The following ABCB11 variants were observed in gnomAD, a reference collection of about 807,000 sequenced individuals.
ABCB11 encodes bile salt export pump.
A neutral mutation model predicts 148.0 loss-of-function variants in ABCB11; 95 were observed. The ratio of observed to expected loss-of-function variants is 0.64; its 90% confidence interval spans 0.54 to 0.76. The LOEUF (loss-of-function observed/expected upper bound fraction) is 0.76, where lower values mean the gene tolerates loss of function less well. Ranked by LOEUF, ABCB11 falls within the 30% of genes least tolerant of loss-of-function variation. The pLI is 0.00. For missense variants in ABCB11, 1,523 were observed against 1,617.8 expected (o/e 0.94, Z 1.01); for synonymous variants, 591 against 555.4 (o/e 1.06, Z -0.90).
intron 10 of ABCB11, among the ~76,000 whole-genome samples, chr2:168,983,594 A>C (rs902183102): frequency 2.0e-5 from 3 of 152,182 alleles, no homozygotes; most frequent in Admixed American, 6.6e-5. Context: ...TGAATTGAAA[A>C]AGTTGTTCTT....
Position 168,996,617 on chromosome 2 carries a change from T to C in ABCB11, c.477+18A>G, listed in dbSNP as rs1270065682. On this transcript the variant is annotated intron_variant, in intron 6 of 27. Coordinates refer to ENST00000650372, the MANE Select transcript of ABCB11 (RefSeq NM_003742.4). Reference sequence around the variant, plus strand: ...AGGTCAGATATTGATCTATAAATTATACGGAGGAGCTACTAACTTGAATAT... The same window carrying C: ...AGGTCAGATATTGATCTATAAATTACACGGAGGAGCTACTAACTTGAATAT... 2 of 1,406,696 alleles carry C rather than the reference T, an allele frequency of 1.4e-6. No homozygotes were observed. Among genetic ancestry groups the C allele is most frequent in the Non-Finnish European group, 1.9e-6 (2 of 1,045,522 alleles). The allele number at this position is 1,406,696 out of a possible 1,614,324, so 87.1% of individuals were successfully genotyped here.
At chr2:169,015,716 C>G (rs1695333330) in intron 3 of ABCB11, among the ~76,000 whole-genome samples, 1 of 152,122 alleles carries the variant, frequency 6.6e-6, no homozygotes, top group Admixed American at 6.6e-5. Context: ...TTTATTTTTC[C>G]TTCTCAGAAA....
At chr2:168,987,188 A>C (rs1175410450) in intron 9 of ABCB11, among the ~76,000 whole-genome samples, 2 of 152,102 alleles carry the variant, frequency 1.3e-5, no homozygotes, top group Non-Finnish European at 1.5e-5. Context: ...TACTTGATGG[A>C]TTTGGTAGCA....
At position 168,966,032 on chromosome 2, in the gene ABCB11, C is replaced by T. The variant is rs186895983; in HGVS notation, c.2076-1724G>A. 2.1e-4 allele frequency among the ~76,000 whole-genome samples: 32 copies of T among 151,968 alleles called. No individual in the cohort carries two copies. The East Asian group carries it at 3.5e-3, about 17-fold the overall frequency. ...GACCAGGCATTAAACCACTCCTCAACGCTACTCCCTGCCACCAAACTTCTG... is the reference window on the plus strand; with the variant it reads ...GACCAGGCATTAAACCACTCCTCAATGCTACTCCCTGCCACCAAACTTCTG... On this transcript the variant is annotated intron_variant, in intron 17 of 27. Transcript: ENST00000650372.
At chr2:168,929,464 A>G (rs1268428792) in intron 25 of ABCB11, among the ~76,000 whole-genome samples, 1 of 152,204 alleles carries the variant, frequency 6.6e-6, no homozygotes, top group Non-Finnish European at 1.5e-5. Flanking sequence ...GTAACTCACT[A>G]TTTGACTGAA....
At chr2:168,984,383 C>T (rs1186202325) in intron 10 of ABCB11, among the ~76,000 whole-genome samples, 1 of 152,074 alleles carries the variant, frequency 6.6e-6, no homozygotes, top group Admixed American at 6.6e-5. Context: ...CTGTTGAATC[C>T]CCTGCATTTT....
chr2:169,016,291 AACTT>A (rs1250167846), intron 3 of ABCB11, among the ~76,000 whole-genome samples: 2 of 152,186 alleles, frequency 1.3e-5, no homozygotes, highest in African/African-American at 4.8e-5. Flanking sequence ...CCACTTCAGG[AACTT>A]ACCTGATGCC....
chr2:169,015,902 T>A (rs1695342282), intron 3 of ABCB11, among the ~76,000 whole-genome samples: 1 of 152,170 alleles, frequency 6.6e-6, no homozygotes, highest in Non-Finnish European at 1.5e-5. Context: ...ACACTCAATA[T>A]TTGCAAAACG....
chr2:168,915,902 G>C (rs1417069742), downstream of ABCB11, among the ~76,000 whole-genome samples: 4 of 152,168 alleles, frequency 2.6e-5, no homozygotes, highest in East Asian at 7.7e-4. Context: ...GTGTCGGATT[G>C]GGTGTCAAGA....
chr2:169,029,435 TAGAA>T (rs1315562569), intron 1 of ABCB11, among the ~76,000 whole-genome samples: 1 of 152,008 alleles, frequency 6.6e-6, no homozygotes, highest in African/African-American at 2.4e-5. Context: ...ACAAAGAAAA[TAGAA>T]AGGCATTATT....
chr2:168,918,136 C>T (rs537183), downstream of ABCB11, among the ~76,000 whole-genome samples: 114,577 of 152,122 alleles, frequency 0.75, 44,075 homozygotes, highest in East Asian at 0.96. Context: ...CTCTGACCCA[C>T]GGAAAGAATG....
At chr2:169,003,944 A>G (rs1694950866) in intron 5 of ABCB11, among the ~76,000 whole-genome samples, 1 of 152,178 alleles carries the variant, frequency 6.6e-6, no homozygotes, top group South Asian at 2.1e-4. Context: ...TTCTTGGCTG[A>G]TAATTGTTTT....
intron 5 of ABCB11, among the ~76,000 whole-genome samples, chr2:169,006,563 T>G (rs984529264): frequency 5.0e-5 from 7 of 139,908 alleles, no homozygotes; most frequent in Admixed American, 4.8e-4. Flanking sequence ...TAAGATAAAA[T>G]AAAATAAAAT....
At chr2:168,942,518 ATAG>A (rs901670823) in intron 21 of ABCB11, among the ~76,000 whole-genome samples, 2 of 146,064 alleles carry the variant, frequency 1.4e-5, no homozygotes, top group African/African-American at 5.0e-5. Flanking sequence ...AAAAAAAAAA[ATAG>A]AAAGAATTAA....
chr2:168,934,625 A>T (rs1334950772), intron 23 of ABCB11, among the ~76,000 whole-genome samples: 1 of 152,224 alleles, frequency 6.6e-6, no homozygotes, highest in African/African-American at 2.4e-5. Context: ...CAAACAAAAC[A>T]GTTCTCTATG....
intron 5 of ABCB11, among the ~76,000 whole-genome samples, chr2:169,008,551 C>A (rs1191931751): frequency 6.6e-6 from 1 of 152,170 alleles, no homozygotes; most frequent in Admixed American, 6.5e-5. Context: ...TTTTCCCATA[C>A]AAGGTAACAT....
In ABCB11 at chr2:168,964,291, C is replaced by T. The variant is rs138642043; in HGVS notation, c.2093G>A (p.Arg698His). The T allele has an allele frequency of 3.3e-3, 5,182 of 1,566,200 alleles. 21 individuals are homozygous for T. Among genetic ancestry groups the T allele is most frequent in the African/African-American group, 6.6e-3 (491 of 73,934 alleles). The part of the protein sequence containing the change: ...QDSLRASIRQ[R>H]SKSQLSYLVH... ...CAGGTAAGAAAGCTGAGACTTGGAGCGTTGCCGGATGGAAGCCCTGTAAAT... is the reference window on the plus strand; with the variant it reads ...CAGGTAAGAAAGCTGAGACTTGGAGTGTTGCCGGATGGAAGCCCTGTAAAT... The change falls in exon 18 of 28, where the codon CGC becomes CAC. Residue 698 changes from arginine to histidine, a missense_variant. Coordinates refer to ENST00000650372, the MANE Select transcript of ABCB11 (RefSeq NM_003742.4).
At chr2:168,928,419 A>C (rs1291953174) in intron 25 of ABCB11, among the ~76,000 whole-genome samples, 1 of 152,180 alleles carries the variant, frequency 6.6e-6, no homozygotes, top group East Asian at 1.9e-4. Context: ...TAAATGTTGA[A>C]AATATTGAAC....
chr2:168,975,536 G>GATAAATATATAAATATTTTTATATTT (rs1693838876), intron 12 of ABCB11, among the ~76,000 whole-genome samples: 1 of 76,768 alleles, frequency 1.3e-5, no homozygotes, highest in African/African-American at 5.5e-5. Flanking sequence ...TATATTTATA[G>GATAAATATATAAATATTTTTATATTT]ATAAATATAT....
Sources: allele counts gnomAD v4.1 joint callset (sites outside exome capture counted in the v4.1 genomes callset), GRCh38; gene constraint gnomAD v4.1.1; transcripts MANE v1.5; gene names NCBI Gene and HGNC (gene_info 2026-07-23, HGNC 2026-07-21).